ASIC2: variants seen among roughly 807,000 people sequenced by gnomAD.
ASIC2 encodes acid-sensing ion channel 2.
A neutral mutation model predicts 57.3 loss-of-function variants in ASIC2; 25 were observed. The ratio of observed to expected loss-of-function variants is 0.44; its 90% CI spans 0.32 to 0.61. The LOEUF (loss-of-function observed/expected upper bound fraction) is 0.61, where lower values mean the gene tolerates loss of function less well. ASIC2 is among the 20% of genes least tolerant of loss of function. ASIC2 has a pLI of 0.06. For synonymous variants in ASIC2, 319 were observed against 307.5 expected, an observed-to-expected ratio of 1.04 and a Z score of -0.39; for missense variants, 641 against 738.1, an observed-to-expected ratio of 0.87 and a Z score of 1.52.
chr17:33,265,636 T>A (rs905437997), intron 1 of ASIC2, among the ~76,000 whole-genome samples: 1 of 152,070 alleles, frequency 6.6e-6, no homozygotes, highest in Non-Finnish European at 1.5e-5. Context: ...AACCTGCACG[T>A]CCTGCACATG....
intron 1 of ASIC2, among the ~76,000 whole-genome samples, chr17:33,652,109 C>T (rs1440586749): frequency 6.6e-6 from 1 of 152,144 alleles, no homozygotes; most frequent in Non-Finnish European, 1.5e-5. Flanking sequence ...AACAGACTCC[C>T]AGCAAGAATG....
chr17:34,036,766 C>T (rs934178891), intron 1 of ASIC2: 4 of 146,476 alleles, frequency 2.7e-5, no homozygotes, highest in African/African-American at 5.1e-5. Context: ...AAGGGACAAC[C>T]GTCAAGTGTT....
At chr17:33,727,881 G>A (rs950493787) in intron 1 of ASIC2, among the ~76,000 whole-genome samples, 3 of 152,198 alleles carry the variant, frequency 2.0e-5, no homozygotes, top group African/African-American at 4.8e-5. Context: ...TGTTCTGTGG[G>A]TCTTTCATCC....
chr17:33,410,578 C>T (rs370056200), intron 1 of ASIC2, among the ~76,000 whole-genome samples: 15 of 152,196 alleles, frequency 9.9e-5, no homozygotes, highest in African/African-American at 3.4e-4. Context: ...AGCCTCCCAG[C>T]CCATCCCATC....
At chr17:33,489,150 A>G (rs1479299114) in intron 1 of ASIC2, among the ~76,000 whole-genome samples, 1 of 151,886 alleles carries the variant, frequency 6.6e-6, no homozygotes, top group Non-Finnish European at 1.5e-5. Context: ...ATCCTTGGAC[A>G]TGGGCATCTT....
At chr17:33,017,411 C>T (rs147072137) in intron 8 of ASIC2, among the ~76,000 whole-genome samples, 194 bp downstream of exon 8, 1 of 152,266 alleles carries the variant, frequency 6.6e-6, no homozygotes, top group Non-Finnish European at 1.5e-5. Context: ...TTACATCCAC[C>T]GCCCCCCAAA....
intron 1 of ASIC2, among the ~76,000 whole-genome samples, chr17:33,431,898 G>T (rs963189482): frequency 1.3e-5 from 2 of 152,166 alleles, no homozygotes; most frequent in African/African-American, 4.8e-5. Flanking sequence ...TAACTATAAT[G>T]CACTATATTC....
Position 33,803,816 on chromosome 17 carries a change from A to C in ASIC2, c.555+352162T>G, listed in dbSNP as rs774415312. Reference sequence around the variant, plus strand: ...GAAGTACATTCTCCTAATTATTGTAACTGGCATTTTTTTTTATGTGGCAAA... The same window carrying C: ...GAAGTACATTCTCCTAATTATTGTACCTGGCATTTTTTTTTATGTGGCAAA... On this transcript the variant is annotated intron_variant, in intron 1 of 9. Transcript: ENST00000359872. Among the ~76,000 whole-genome samples the C allele has an allele frequency of 1.6e-4, 24 of 151,610 alleles. 1 individual carries two copies. Among genetic ancestry groups the C allele is most frequent in the Non-Finnish European group, 3.2e-4 (22 of 67,838 alleles).
intron 1 of ASIC2, among the ~76,000 whole-genome samples, chr17:33,241,605 GT>G (rs1036318509): frequency 6.6e-6 from 1 of 152,150 alleles, no homozygotes; most frequent in Non-Finnish European, 1.5e-5. Flanking sequence ...ATCTTTTCTT[GT>G]TTTTCAAATG....
intron 1 of ASIC2, among the ~76,000 whole-genome samples, chr17:33,396,312 C>G (rs535821371): frequency 2.0e-5 from 3 of 152,212 alleles, no homozygotes; most frequent in Admixed American, 6.5e-5. Context: ...GTAACAATTA[C>G]GGTTCTGAAA....
chr17:34,107,266 C>T (rs1244157896), intron 1 of ASIC2, among the ~76,000 whole-genome samples: 1 of 152,060 alleles, frequency 6.6e-6, no homozygotes, highest in Non-Finnish European at 1.5e-5. Flanking sequence ...CTTTGGGAGG[C>T]CAAGGCAGGC....
At chr17:33,169,648 A>G (rs114374012) in intron 1 of ASIC2, among the ~76,000 whole-genome samples, 2 of 152,212 alleles carry the variant, frequency 1.3e-5, no homozygotes, top group Non-Finnish European at 2.9e-5. Flanking sequence ...CCAGAGGTAC[A>G]TTGAAGATCC....
At chr17:33,153,686 C>A (rs1030992557) in intron 1 of ASIC2, among the ~76,000 whole-genome samples, 7 of 152,190 alleles carry the variant, frequency 4.6e-5, no homozygotes, top group African/African-American at 1.7e-4. Context: ...TGTCTCATCC[C>A]ATTTCCCTTC....
intron 1 of ASIC2, among the ~76,000 whole-genome samples, chr17:33,714,026 G>A (rs181136907): frequency 6.6e-4 from 101 of 152,180 alleles, no homozygotes; most frequent in Non-Finnish European, 1.2e-3. Context: ...CAAGTGGGGG[G>A]TGGGCATGGC....
chr17:33,694,557 A>G (rs987364559), intron 1 of ASIC2, among the ~76,000 whole-genome samples: 1 of 152,122 alleles, frequency 6.6e-6, no homozygotes, highest in African/African-American at 2.4e-5. Context: ...TTAAGTGCCA[A>G]CCTCAGATTT....
In ASIC2 at chr17:33,367,364, G is replaced by A. The variant is rs565585197; in HGVS notation, c.556-255297C>T. Reference sequence around the variant, plus strand: ...GGAAGACAATTGCTCAAGTGCTGGTGGCACTAACCCTCTGGCGTTTCACCT... The same window carrying A: ...GGAAGACAATTGCTCAAGTGCTGGTAGCACTAACCCTCTGGCGTTTCACCT... On this transcript the variant is annotated intron_variant, in intron 1 of 9. Coordinates refer to the ASIC2 transcript ENST00000359872. Among the ~76,000 whole-genome samples the A allele has an allele frequency of 2.0e-5, 3 of 152,108 alleles. No individual in the cohort carries two copies. The South Asian group carries it at 6.2e-4, about 32-fold the overall frequency.
At chr17:33,497,014 C>G (rs1913957267) in intron 1 of ASIC2, among the ~76,000 whole-genome samples, 1 of 152,214 alleles carries the variant, frequency 6.6e-6, no homozygotes, top group Admixed American at 6.5e-5. Context: ...CAGTGCCCAG[C>G]ACTTTGCCTA....
intron 3 of ASIC2, among the ~76,000 whole-genome samples, chr17:33,086,371 T>C (rs1313690282): frequency 6.6e-6 from 1 of 152,190 alleles, no homozygotes; most frequent in African/African-American, 2.4e-5. Flanking sequence ...AAGTAATTCA[T>C]CATAGTAGGG....
At chr17:34,055,458 T>C (rs1280136500) in intron 1 of ASIC2, among the ~76,000 whole-genome samples, 1 of 152,220 alleles carries the variant, frequency 6.6e-6, no homozygotes, top group Admixed American at 6.5e-5. Context: ...CAATAAAATG[T>C]ACAAATCCTA....
Sources: gnomAD v4.1 joint callset for allele counts (sites outside exome capture counted in the v4.1 genomes callset) on GRCh38, gnomAD v4.1.1 for gene constraint, MANE v1.5 for transcripts, NCBI Gene and HGNC (gene_info 2026-07-23, HGNC 2026-07-21) for gene names.